The following IL1RAPL2 variants were observed in gnomAD, a reference collection of about 807,000 sequenced individuals.
IL1RAPL2 encodes the protein X-linked interleukin-1 receptor accessory protein-like 2.
In IL1RAPL2, 3 loss-of-function variants were observed where a neutral mutation model predicts 44.1. That is an observed-to-expected ratio of 0.07 (90% confidence interval 0.03 to 0.18). The LOEUF is 0.18. IL1RAPL2 is among the 10% of genes least tolerant of loss of function. The probability of loss-of-function intolerance (pLI) is 1.00; values close to 1 mark genes in which losing one functional copy is unlikely to be tolerated. For synonymous variants in IL1RAPL2, 181 were observed against 178.8 expected (o/e 1.01, Z -0.10); for missense variants, 391 against 496.4 (o/e 0.79, Z 2.02).
chrX:105,566,737 G>A (rs1178162318), intron 6 of IL1RAPL2, among the ~76,000 whole-genome samples: 1 of 111,338 alleles, frequency 9.0e-6, no homozygotes, highest in African/African-American at 3.3e-5. Flanking sequence ...TTTTAATAAA[G>A]AACATTTCAG....
At position 105,390,418 on chromosome X, in the gene IL1RAPL2, C is replaced by A. The variant is rs138692058; in HGVS notation, c.698-93895C>A. 5.3e-3 allele frequency among the ~76,000 whole-genome samples: 596 copies of A among 111,535 alleles called. 5 individuals are homozygous for A. The highest frequency in any genetic ancestry group is 0.018 in the African/African-American group (558 of 30,677). ...ATGAAAATTGCCCCATCATCTAGCA[C>A]GGTGCCTGACGTATAATTGGCATTT... is the stretch of plus-strand genomic sequence containing the variant. On this transcript the variant is annotated intron_variant, in intron 5 of 10. Coordinates refer to ENST00000372582, the MANE Select transcript of IL1RAPL2 (RefSeq NM_017416.2).
chrX:104,937,848 A>G (rs1362436596), intron 2 of IL1RAPL2, among the ~76,000 whole-genome samples: 1 of 112,547 alleles, frequency 8.9e-6, no homozygotes, highest in African/African-American at 3.2e-5. Context: ...TTCATTTTCT[A>G]TCTTACTAAA....
intron 5 of IL1RAPL2, among the ~76,000 whole-genome samples, chrX:105,333,953 T>TC (rs991099979): frequency 7.2e-5 from 8 of 111,087 alleles, no homozygotes; most frequent in African/African-American, 2.3e-4. Context: ...CACTATGGAG[T>TC]CCAATTTGGA....
intron 5 of IL1RAPL2, among the ~76,000 whole-genome samples, chrX:105,454,183 A>G (rs745614596): frequency 9.0e-5 from 10 of 111,443 alleles, no homozygotes; most frequent in Non-Finnish European, 1.3e-4. Flanking sequence ...CTGAAACCCT[A>G]TCTACAAGAG....
chrX:105,080,802 T>G (rs1182743201), intron 2 of IL1RAPL2, among the ~76,000 whole-genome samples: 1 of 112,059 alleles, frequency 8.9e-6, no homozygotes, highest in Non-Finnish European at 1.9e-5. Context: ...ATAAACTACT[T>G]TGGTCAGTAT....
intron 6 of IL1RAPL2, among the ~76,000 whole-genome samples, chrX:105,504,395 T>C (rs933658562): frequency 1.8e-5 from 2 of 111,664 alleles, no homozygotes; most frequent in African/African-American, 6.5e-5. Context: ...ATTTTTTCTT[T>C]CCTATCTTAA....
intron 2 of IL1RAPL2, among the ~76,000 whole-genome samples, chrX:105,165,851 G>T (rs1210458906): frequency 9.0e-6 from 1 of 111,374 alleles, no homozygotes; most frequent in African/African-American, 3.3e-5. Context: ...TAGTTCAAGG[G>T]CCAATTCCTC....
Position 105,344,911 on chromosome X carries a change from A to G in IL1RAPL2, c.697+77370A>G, listed in dbSNP as rs751080588. On this transcript the variant is annotated intron_variant, in intron 5 of 10. Transcript: ENST00000372582. ...GAACTTAAATATTATGCCATGAAGTATGACTATGAACATTTATAGAAGTAG... is the reference window on the plus strand; with the variant it reads ...GAACTTAAATATTATGCCATGAAGTGTGACTATGAACATTTATAGAAGTAG... 3.6e-5 allele frequency among the ~76,000 whole-genome samples: 4 copies of G among 111,958 alleles called. No homozygotes were observed. In the East Asian group the frequency reaches 8.4e-4, roughly 24 times the overall value.
In IL1RAPL2 at chrX:105,267,453, A is replaced by G; in HGVS notation, c.609A>G (p.Glu203=). The G allele has an allele frequency of 8.3e-7, 1 of 1,199,249 alleles. No homozygotes were observed. Among genetic ancestry groups the G allele is most frequent in the South Asian group, 1.8e-5 (1 of 55,834 alleles). ...IQKGNALLIQ[E]VQEEDGGNYT... is the part of the protein sequence containing the mutation. ...AAGGAAATGCTCTTCTGATCCAAGA[A>G]GTTCAAGAAGAAGATGGAGGAAATT... Residue 203 remains glutamate (E), a synonymous_variant, in exon 5 of 11, where the codon GAA becomes GAG. Transcript: ENST00000372582.
intron 6 of IL1RAPL2, among the ~76,000 whole-genome samples, chrX:105,643,788 TCCCA>T (rs2037585310): frequency 8.9e-6 from 1 of 112,323 alleles, no homozygotes; most frequent in Admixed American, 9.4e-5. Flanking sequence ...GGTGATCTGA[TCCCA>T]CCCAGTGGGA....
At chrX:104,676,884 G>C (rs1205162603) in intron 2 of IL1RAPL2, among the ~76,000 whole-genome samples, 1 of 111,480 alleles carries the variant, frequency 9.0e-6, no homozygotes, top group African/African-American at 3.3e-5. Flanking sequence ...TCTTCCAGTT[G>C]ATCACATCGG....
At chrX:104,669,889 A>G (rs1422863083) in intron 2 of IL1RAPL2, among the ~76,000 whole-genome samples, 1 of 111,866 alleles carries the variant, frequency 8.9e-6, no homozygotes, top group African/African-American at 3.3e-5. Context: ...TTAAAATTAC[A>G]TTATCATTCT....
At chrX:105,564,857 T>A (rs2036963575) in intron 6 of IL1RAPL2, among the ~76,000 whole-genome samples, 1 of 111,803 alleles carries the variant, frequency 8.9e-6, no homozygotes, top group South Asian at 3.7e-4. Context: ...ATTCCCTTCC[T>A]TTTTCTTCCC....
At chrX:105,236,068 A>G (rs1443661175) in intron 4 of IL1RAPL2, among the ~76,000 whole-genome samples, 1 of 112,573 alleles carries the variant, frequency 8.9e-6, no homozygotes, top group African/African-American at 3.2e-5. Flanking sequence ...AAAGAAAAAG[A>G]AAGTTTTATT....
At chrX:104,820,830 C>T (rs1312266407) in intron 2 of IL1RAPL2, among the ~76,000 whole-genome samples, 1 of 111,854 alleles carries the variant, frequency 8.9e-6, no homozygotes, top group Non-Finnish European at 1.9e-5. Flanking sequence ...GTAAAAATGC[C>T]TAATGTGATA....
intron 2 of IL1RAPL2, among the ~76,000 whole-genome samples, chrX:105,101,290 C>G (rs777755139): frequency 8.9e-6 from 1 of 111,902 alleles, no homozygotes; most frequent in East Asian, 2.8e-4. Flanking sequence ...AGTTTAAAAA[C>G]CAAGGCCTTT....
intron 2 of IL1RAPL2, among the ~76,000 whole-genome samples, chrX:105,182,064 CAA>C (rs782283394): frequency 2.0e-4 from 12 of 58,707 alleles, no homozygotes; most frequent in Admixed American, 4.3e-4. Context: ...GAGACTCTGT[CAA>C]AAAAAAAAAA....
chrX:105,464,675 A>AAGATCGTGTTGAAAATG (rs1486325740), intron 5 of IL1RAPL2, among the ~76,000 whole-genome samples: 1 of 112,009 alleles, frequency 8.9e-6, no homozygotes, highest in Non-Finnish European at 1.9e-5. Context: ...GACAGATACT[A>AAGATCGTGTTGAAAATG]AGATCGTGTT....
chrX:105,654,380 C>A (rs1387817725), intron 6 of IL1RAPL2, among the ~76,000 whole-genome samples: 1 of 111,189 alleles, frequency 9.0e-6, no homozygotes, highest in Non-Finnish European at 1.9e-5. Context: ...TTTCTTTTAT[C>A]CCCTTTAATC....
Sources: allele counts gnomAD v4.1 joint callset (sites outside exome capture counted in the v4.1 genomes callset), GRCh38; gene constraint gnomAD v4.1.1; transcripts MANE v1.5; gene names NCBI Gene and HGNC (gene_info 2026-07-23, HGNC 2026-07-21).